The following METTL25B variants were observed in gnomAD, a reference collection of about 807,000 sequenced individuals.
METTL25B encodes methyltransferase-like protein 25B.
A neutral mutation model predicts 48.4 loss-of-function variants in METTL25B; 38 were observed. That is an observed-to-expected ratio of 0.78 (90% CI 0.61 to 1.03). METTL25B has a LOEUF of 1.03. Ranked by LOEUF, METTL25B falls within the 50% of genes least tolerant of loss-of-function variation. METTL25B has a pLI of 0.00. For missense variants in METTL25B, 537 were observed against 603.7 expected, an observed-to-expected ratio of 0.89 and a Z score of 1.16; for synonymous variants, 230 against 254.5, an observed-to-expected ratio of 0.90 and a Z score of 0.92.
rs1268270281 is a variant in METTL25B, at chr1:156,734,004, C to T, written c.637-5C>T. On this transcript the variant is annotated splice_region_variant and splice_polypyrimidine_tract_variant and intron_variant, in intron 5 of 7. Coordinates refer to ENST00000368216, the MANE Select transcript of METTL25B (RefSeq NM_015997.4). ...ATCTGCCTTTGTCCTTTCCTGCTTC[C>T]ACAGGTGGTCCAAACCAGCCCTCGT... is the stretch of plus-strand genomic sequence containing the variant. 1.3e-6 allele frequency: 2 copies of T among 1,589,024 alleles called. No homozygotes were observed. The highest frequency in any genetic ancestry group is 1.3e-5 in the African/African-American group (1 of 74,390).
At position 156,732,968 on chromosome 1, in the gene METTL25B, G is replaced by C; in HGVS notation, c.430-17G>C. On this transcript the variant is annotated splice_polypyrimidine_tract_variant and intron_variant, in intron 3 of 7. Coordinates refer to ENST00000368216, the MANE Select transcript of METTL25B (RefSeq NM_015997.4). ...AATAACCAGTGGCTAGGAGACCTTT[G>C]TTTCCTCCTTTTTCAGTTGGTGAAG... 1 of 1,613,656 alleles carries C rather than the reference G, an allele frequency of 6.2e-7. No individual in the cohort carries two copies. The highest frequency in any genetic ancestry group is 1.6e-4 in the Middle Eastern group (1 of 6,062).
In METTL25B at chr1:156,729,089, C is replaced by T. The variant is rs778671748; in HGVS notation, c.-16C>T. ...CACTGCGTTCTCGCTCCCCGCGCTC[C>T]CTGCTGGACCCCGGGATGCCGGGCA... On this transcript the variant is annotated 5_prime_UTR_variant, in exon 1 of 8. Transcript: ENST00000368216. The T allele has an allele frequency of 3.9e-6, 6 of 1,543,822 alleles. No homozygotes were observed. The highest frequency in any genetic ancestry group is 1.1e-5 in the South Asian group (1 of 88,428).
rs748934059 is a variant in METTL25B at position 156,734,397 on chromosome 1, G to A, written c.1025G>A (p.Arg342His). The A allele has an allele frequency of 1.5e-5, 24 of 1,613,142 alleles. No individual in the cohort carries two copies. The highest frequency in any genetic ancestry group is 5.5e-5 in the South Asian group (5 of 90,950). ...CCTGGCCTTCGAACTCACTGCTACC[G>A]TGCAGCACTGGAGACAGTCATCCGA... is the stretch of plus-strand genomic sequence containing the variant. ...AGPGLRTHCY[R>H]AALETVIRRA... Residue 342 changes from arginine to histidine, a missense_variant, in exon 6 of 8, where the codon CGT (arginine) becomes CAT (histidine). By Grantham distance (29) the Arg-to-His change is conservative (BLOSUM62 0). Transcript: ENST00000368216.
chr1:156,728,987 A>AT lies in METTL25B; in HGVS notation c.-118_-117insT. The AT allele has an allele frequency of 1.7e-6, 1 of 585,180 alleles. No individual in the cohort carries two copies. The allele number at this position is 585,180 out of a possible 1,614,324, so 36.2% of individuals were successfully genotyped here. On this transcript the variant is annotated 5_prime_UTR_variant, in exon 1 of 8. Transcript: ENST00000368216. ...GGCAGCGTCGGAGACTGGACCCAAA[A>AT]CTCTTCCTGTTCTGCCTGCAGAGTT... is the stretch of plus-strand genomic sequence containing the variant.
chr1:156,729,766 C>T (rs1244725858), intron 1 of METTL25B, among the ~76,000 whole-genome samples: 1 of 152,190 alleles, frequency 6.6e-6, no homozygotes, highest in African/African-American at 2.4e-5. Flanking sequence ...CCTTAGGCCT[C>T]CCTAACCCCC....
intron 1 of METTL25B, among the ~76,000 whole-genome samples, chr1:156,729,894 C>T (rs1649106570): frequency 6.6e-6 from 1 of 152,144 alleles, no homozygotes; most frequent in South Asian, 2.1e-4. Context: ...TTGTTTAGAC[C>T]ACAAACCCAG....
chr1:156,731,133 GT>G (rs1330143019), intron 1 of METTL25B, among the ~76,000 whole-genome samples: 1 of 151,844 alleles, frequency 6.6e-6, no homozygotes, highest in Non-Finnish European at 1.5e-5. Context: ...GTTTTGGTTT[GT>G]TTTTTTTGAG....
At chr1:156,731,803 C>T (rs1571508896) in intron 1 of METTL25B, among the ~76,000 whole-genome samples, 188 bp from the exon 2 acceptor site, 2 of 152,194 alleles carry the variant, frequency 1.3e-5, no homozygotes, top group Admixed American at 6.5e-5. Context: ...CCACCAGAGT[C>T]GGGGAGGCTG....
chr1:156,729,857 G>A (rs2102640213), intron 1 of METTL25B, among the ~76,000 whole-genome samples: 1 of 152,312 alleles, frequency 6.6e-6, no homozygotes, highest in Non-Finnish European at 1.5e-5. Flanking sequence ...ATGAGAGAAT[G>A]TGTAAATGGC....
intron 6 of METTL25B, 53 bp downstream of exon 6, chr1:156,734,546 T>C (rs923152214): frequency 4.1e-6 from 6 of 1,466,284 alleles, no homozygotes; most frequent in Non-Finnish European, 5.4e-6. Flanking sequence ...CTTTTTTTTT[T>C]TTTGAGATGG....
In METTL25B at chr1:156,734,513, G is replaced by C. The variant is rs759724471; in HGVS notation, c.1121+20G>C. On this transcript the variant is annotated intron_variant, in intron 6 of 7. Coordinates refer to ENST00000368216, the MANE Select transcript of METTL25B (RefSeq NM_015997.4). ...TGAAGAGTGAGGTTGGGGGACGGGTGGGGGGCAGTGGAGAGGAGATTTCTT... is the reference window on the plus strand; with the variant it reads ...TGAAGAGTGAGGTTGGGGGACGGGTCGGGGGCAGTGGAGAGGAGATTTCTT... 37 of 1,528,266 alleles carry C rather than the reference G, an allele frequency of 2.4e-5. No individual in the cohort carries two copies. Among genetic ancestry groups the C allele is most frequent in the East Asian group, 1.2e-4 (5 of 42,174 alleles). The allele number at this position is 1,528,266 out of a possible 1,614,324, so 94.7% of individuals were successfully genotyped here. A position where few individuals can be genotyped will look rare whatever the true frequency, so the allele number is the denominator to read the frequency against.
intron 5 of METTL25B, chr1:156,733,748 C>T: frequency 1.6e-6 from 1 of 645,066 alleles, no homozygotes; most frequent in African/African-American, 1.8e-5. Flanking sequence ...TTCTCACTAC[C>T]TGTGAAGTGG....
At chr1:156,732,527 G>A (rs924493531) in intron 3 of METTL25B, 54 bp downstream of exon 3, 6 of 1,567,262 alleles carry the variant, frequency 3.8e-6, no homozygotes, top group Non-Finnish European at 5.2e-6. Context: ...GACTCCTTAA[G>A]CCTGGCTTAC....
At chr1:156,733,868 C>A in intron 5 of METTL25B, 141 bp from the exon 6 acceptor site, 1 of 1,161,114 alleles carries the variant, frequency 8.6e-7, no homozygotes, top group African/African-American at 1.5e-5. Context: ...ACTTGTGGTC[C>A]AGCCCCTCCC....
intron 1 of METTL25B, among the ~76,000 whole-genome samples, chr1:156,730,915 C>T (rs74118754): frequency 0.017 from 2,514 of 152,262 alleles, 71 homozygotes; most frequent in African/African-American, 0.056. Flanking sequence ...AGTACCTGGC[C>T]GAGAAGGTGT....
At position 156,734,272 on chromosome 1, in the gene METTL25B, G is replaced by C; in HGVS notation, c.900G>C (p.Gln300His). Residue 300 changes from glutamine (Q) to histidine (H), a missense_variant, in exon 6 of 8, where the codon CAG (glutamine) becomes CAC (histidine). Physicochemically the swap from Gln to His is conservative, Grantham distance 24. Coordinates refer to ENST00000368216, the MANE Select transcript of METTL25B (RefSeq NM_015997.4). ...ACCCTGGCGGCTACCCACTGAGTCAGTGGGTGGCTGGGCTGCCTGGCTATG... is the reference window on the plus strand; with the variant it reads ...ACCCTGGCGGCTACCCACTGAGTCACTGGGTGGCTGGGCTGCCTGGCTATG... ...LSDPGGYPLS[Q>H]WVAGLPGYEL... The C allele has an allele frequency of 6.2e-7, 1 of 1,614,198 alleles. No homozygotes were observed. Among genetic ancestry groups the C allele is most frequent in the Non-Finnish European group, 8.5e-7 (1 of 1,180,038 alleles).
At chr1:156,732,218 G>A (rs1330836549) in intron 2 of METTL25B, 63 bp from the exon 3 acceptor site, 28 of 1,608,168 alleles carry the variant, frequency 1.7e-5, no homozygotes, top group Non-Finnish European at 2.1e-5. Flanking sequence ...GCCTCGGGTT[G>A]TAAACTGCTG....
chr1:156,734,022 G>A lies in METTL25B; in HGVS notation c.650G>A (p.Ser217Asn), dbSNP rs1649507772. ...CTGCTTCCACAGGTGGTCCAAACCA[G>A]CCCTCGTCACTCCCCACACCACGTG... ...EKRNPQVVQT[S>N]PRHSPHHVVR... Residue 217 changes from serine (S) to asparagine (N), a missense_variant, in exon 6 of 8, where the codon AGC becomes AAC. Physicochemically the swap from Ser to Asn is conservative, Grantham distance 46. Coordinates refer to ENST00000368216, the MANE Select transcript of METTL25B (RefSeq NM_015997.4). The A allele has an allele frequency of 1.2e-6, 2 of 1,603,014 alleles. No homozygotes were observed. The highest frequency in any genetic ancestry group is 2.2e-5 in the South Asian group (2 of 89,942).
At position 156,734,044 on chromosome 1, in the gene METTL25B, C is replaced by T. The variant is rs766266397; in HGVS notation, c.672C>T (p.His224=). Residue 224 remains histidine (H), a synonymous_variant, in exon 6 of 8, where the codon CAC becomes CAT. Coordinates refer to ENST00000368216, the MANE Select transcript of METTL25B (RefSeq NM_015997.4). The part of the protein sequence containing the change: ...VQTSPRHSPH[H]VVRWVDPTAL... ...CCAGCCCTCGTCACTCCCCACACCA[C>T]GTGGTTAGGTGGGTAGACCCCACAG... 8.1e-6 allele frequency: 13 copies of T among 1,611,780 alleles called. No homozygotes were observed. The highest frequency in any genetic ancestry group is 6.7e-5 in the Admixed American group (4 of 59,908).
Sources: allele counts gnomAD v4.1 joint callset (sites outside exome capture counted in the v4.1 genomes callset), GRCh38; gene constraint gnomAD v4.1.1; transcripts MANE v1.5; gene names NCBI Gene and HGNC (gene_info 2026-07-23, HGNC 2026-07-21).